The following ARHGAP15 variants were observed in gnomAD, a reference collection of about 807,000 sequenced individuals.
ARHGAP15 encodes rho GTPase-activating protein 15.
A neutral mutation model predicts 63.7 loss-of-function variants in ARHGAP15; 51 were observed. The ratio of observed to expected loss-of-function variants is 0.80; its 90% CI spans 0.64 to 1.01. The LOEUF is 1.01. Ranked by LOEUF, ARHGAP15 falls within the 50% of genes least tolerant of loss-of-function variation. The pLI, the probability that ARHGAP15 is intolerant of heterozygous loss-of-function variation, is 0.00. For synonymous variants in ARHGAP15, 191 were observed against 193.8 expected (o/e 0.99, Z 0.12); for missense variants, 560 against 564.6 (o/e 0.99, Z 0.08).
At chr2:143,733,746 TTC>T (rs554533695) in intron 13 of ARHGAP15, among the ~76,000 whole-genome samples, 272 of 152,326 alleles carry the variant, frequency 1.8e-3, no homozygotes, top group Non-Finnish European at 2.2e-3. Context: ...TGAGGAATTT[TTC>T]TCTGTTTCAG....
intron 6 of ARHGAP15, among the ~76,000 whole-genome samples, chr2:143,289,301 T>C (rs1320621415): frequency 6.6e-6 from 1 of 152,206 alleles, no homozygotes; most frequent in Non-Finnish European, 1.5e-5. Flanking sequence ...GTTTGCTGAA[T>C]TGTATTTCTT....
intron 6 of ARHGAP15, among the ~76,000 whole-genome samples, chr2:143,261,686 T>C (rs1175678206): frequency 6.6e-6 from 1 of 152,092 alleles, no homozygotes; most frequent in Non-Finnish European, 1.5e-5. Context: ...TCAAATCTTT[T>C]TAAGCAAATA....
At chr2:143,208,054 G>T (rs1387432974) in intron 3 of ARHGAP15, among the ~76,000 whole-genome samples, 1 of 152,042 alleles carries the variant, frequency 6.6e-6, no homozygotes, top group Non-Finnish European at 1.5e-5. Context: ...TACCTACCAG[G>T]ATGAGCTATC....
At chr2:143,162,638 G>T (rs1314416739) in intron 2 of ARHGAP15, among the ~76,000 whole-genome samples, 5 of 152,010 alleles carry the variant, frequency 3.3e-5, no homozygotes, top group Non-Finnish European at 7.4e-5. Context: ...ATTAAAAAAG[G>T]TTACCTAATA....
rs557677581 is a variant in ARHGAP15, at chr2:143,560,203, C to T, written c.1003+3718C>T. ...TTATACTTCCAGTTCAGATGACATG[C>T]AAGTTATATTCAAAGTGTTCACTTT... On this transcript the variant is annotated intron_variant, in intron 11 of 13. Transcript: ENST00000295095. Among the ~76,000 whole-genome samples the T allele has an allele frequency of 5.3e-5, 8 of 152,262 alleles. No homozygotes were observed. The South Asian group carries it at 1.5e-3, about 28-fold the overall frequency.
At chr2:143,318,019 C>G (rs78353526) in intron 6 of ARHGAP15, among the ~76,000 whole-genome samples, 2 of 147,756 alleles carry the variant, frequency 1.4e-5, no homozygotes, top group African/African-American at 5.0e-5. Context: ...TTTTTTTTTT[C>G]TTTGATAGAG....
chr2:143,162,304 A>G (rs1310555802), intron 2 of ARHGAP15: 2 of 151,968 alleles, frequency 1.3e-5, no homozygotes, highest in Non-Finnish European at 2.9e-5. Context: ...TCAAGAAGAG[A>G]TGAGCTGAAA....
intron 8 of ARHGAP15, among the ~76,000 whole-genome samples, chr2:143,445,150 A>ATTTT (rs1347400449): frequency 3.8e-4 from 27 of 71,388 alleles, no homozygotes; most frequent in African/African-American, 1.4e-3. Context: ...ATTAAGAACA[A>ATTTT]TTATTTTTTT....
intron 13 of ARHGAP15, among the ~76,000 whole-genome samples, chr2:143,747,366 T>C (rs1686209624): frequency 6.6e-6 from 1 of 152,234 alleles, no homozygotes; most frequent in South Asian, 2.1e-4. Context: ...TTGTAACTTA[T>C]GAGCCAATAT....
intron 6 of ARHGAP15, among the ~76,000 whole-genome samples, chr2:143,336,035 A>G (rs1364790674): frequency 6.6e-6 from 1 of 151,952 alleles, no homozygotes; most frequent in Admixed American, 6.6e-5. Context: ...GGTTCTCACC[A>G]TGTCACCCAG....
At chr2:143,725,101 G>A (rs1685220999) in intron 13 of ARHGAP15, among the ~76,000 whole-genome samples, 3 of 152,266 alleles carry the variant, frequency 2.0e-5, no homozygotes, top group African/African-American at 7.2e-5. Context: ...TTCGATTATT[G>A]TTAATCCACA....
chr2:143,229,652 T>A (rs1253682236), intron 5 of ARHGAP15, among the ~76,000 whole-genome samples: 1 of 152,176 alleles, frequency 6.6e-6, no homozygotes, highest in Non-Finnish European at 1.5e-5. Context: ...AGGGGTCGCC[T>A]GGCAGGAGTT....
intron 8 of ARHGAP15, among the ~76,000 whole-genome samples, chr2:143,468,633 TGAGA>T (rs60106286): frequency 0.27 from 36,176 of 134,212 alleles, 5,497 homozygotes; most frequent in Non-Finnish European, 0.36. Context: ...GGTTTCTTTG[TGAGA>T]GAGAGAGAGA....
intron 6 of ARHGAP15, among the ~76,000 whole-genome samples, chr2:143,256,300 C>G (rs887415336): frequency 6.6e-6 from 1 of 152,098 alleles, no homozygotes. Flanking sequence ...AGGTAAATAT[C>G]TGTGAAATGT....
At chr2:143,184,432 T>C (rs1170024525) in intron 2 of ARHGAP15, among the ~76,000 whole-genome samples, 1 of 152,204 alleles carries the variant, frequency 6.6e-6, no homozygotes, top group Non-Finnish European at 1.5e-5. Flanking sequence ...CTTTGTTGGA[T>C]GTTTGGGGAT....
intron 2 of ARHGAP15, among the ~76,000 whole-genome samples, chr2:143,180,729 A>G (rs546080089): frequency 8.5e-5 from 13 of 152,234 alleles, no homozygotes; most frequent in African/African-American, 2.9e-4. Context: ...GATGGAGTAC[A>G]GTGGCGTGAT....
intron 12 of ARHGAP15, among the ~76,000 whole-genome samples, chr2:143,667,919 T>G (rs1682310309): frequency 6.6e-6 from 1 of 152,012 alleles, no homozygotes; most frequent in Admixed American, 6.5e-5. Flanking sequence ...ACCCAGGAAG[T>G]TGAGGCTGCA....
intron 13 of ARHGAP15, chr2:143,706,656 G>A (rs1405696134): frequency 6.6e-6 from 1 of 152,152 alleles, no homozygotes; most frequent in Non-Finnish European, 1.5e-5. Context: ...GCATAAGGTT[G>A]CACAATGGCT....
At chr2:143,337,404 A>G (rs544232498) in intron 6 of ARHGAP15, among the ~76,000 whole-genome samples, 1 of 152,250 alleles carries the variant, frequency 6.6e-6, no homozygotes, top group East Asian at 1.9e-4. Context: ...TTTTTTTGGC[A>G]TGTGGTATTG....
Sources: gnomAD v4.1 joint callset for allele counts (sites outside exome capture counted in the v4.1 genomes callset) on GRCh38, gnomAD v4.1.1 for gene constraint, MANE v1.5 for transcripts, NCBI Gene and HGNC (gene_info 2026-07-23, HGNC 2026-07-21) for gene names.